The following TENM4 variants were observed in gnomAD, a reference collection of about 807,000 sequenced individuals.
TENM4 encodes teneurin transmembrane protein 4.
Under a neutral mutation model 243.3 loss-of-function variants are expected in TENM4, and 82 were observed. The observed-to-expected ratio is 0.34, with a 90% CI of 0.28 to 0.40. The LOEUF is 0.40. Among genes scored for constraint, TENM4 ranks in the 10% least tolerant of loss-of-function variants. TENM4 has a pLI of 1.00. For synonymous variants in TENM4, 1,412 were observed against 1,456.3 expected, an observed-to-expected ratio of 0.97 and a Z score of 0.69; for missense variants, 3,138 against 3,673.3, an observed-to-expected ratio of 0.85 and a Z score of 3.77.
At chr11:78,713,810 T>A (rs1043803673) in intron 25 of TENM4, among the ~76,000 whole-genome samples, 6 of 152,152 alleles carry the variant, frequency 3.9e-5, no homozygotes, top group African/African-American at 1.4e-4. Context: ...TAAGACTGAA[T>A]TTTTTTACCC....
At chr11:78,794,020 C>T (rs1252774713) in intron 15 of TENM4, among the ~76,000 whole-genome samples, 1 of 152,170 alleles carries the variant, frequency 6.6e-6, no homozygotes, top group African/African-American at 2.4e-5. Flanking sequence ...AGCACTTTTC[C>T]TTTTGTTTGT....
chr11:79,363,146 AAAATCT>A lies in TENM4; in HGVS notation c.-320-65609_-320-65604del, dbSNP rs1373289083. ...ATTAAAATAATAAAACTTTACATTA[AAAATCT>A]AGATTTCCAGTTTCTCTTGGAACAA... is the stretch of plus-strand genomic sequence containing the variant. On this transcript the variant is annotated intron_variant, in intron 1 of 33. Coordinates refer to ENST00000278550, the MANE Select transcript of TENM4 (RefSeq NM_001098816.3). 1.2e-4 allele frequency among the ~76,000 whole-genome samples: 19 copies of A among 152,348 alleles called. No homozygotes were observed. The East Asian group carries it at 3.7e-3, about 29-fold the overall frequency.
chr11:79,014,550 T>C (rs1386176534), intron 6 of TENM4: 2 of 152,248 alleles, frequency 1.3e-5, no homozygotes, highest in Non-Finnish European at 2.9e-5. Context: ...GTTGCACTCC[T>C]GGGTCCAGAG....
chr11:78,761,172 G>T (rs1043157745), intron 18 of TENM4, among the ~76,000 whole-genome samples: 3 of 151,668 alleles, frequency 2.0e-5, no homozygotes, highest in Non-Finnish European at 2.9e-5. Context: ...GTTAATTCTC[G>T]GAAGGCTTGC....
chr11:79,071,500 G>A (rs1000231002), intron 4 of TENM4, among the ~76,000 whole-genome samples: 1 of 152,082 alleles, frequency 6.6e-6, no homozygotes, highest in African/African-American at 2.4e-5. Flanking sequence ...GGTGTCTTGT[G>A]AATTTTTAAG....
rs575958216 is a variant in TENM4 at position 79,053,865 on chromosome 11, G to C, written c.493+10873C>G. Among the ~76,000 whole-genome samples the C allele has an allele frequency of 5.3e-5, 8 of 152,282 alleles. No homozygotes were observed. In the South Asian group the frequency reaches 1.7e-3, roughly 32 times the overall value. On this transcript the variant is annotated intron_variant, in intron 6 of 33. Coordinates refer to ENST00000278550, the MANE Select transcript of TENM4 (RefSeq NM_001098816.3). The stretch of plus-strand genomic sequence containing the variant: ...CCTTCCAGACTGAAGTCAAAGGAAA[G>C]CAACCAATTACTATACAGTGCTCTG...
intron 4 of TENM4, among the ~76,000 whole-genome samples, chr11:79,148,425 G>A (rs1862433664): frequency 6.6e-6 from 1 of 152,030 alleles, no homozygotes; most frequent in Non-Finnish European, 1.5e-5. Context: ...TAGAGATGCT[G>A]TTGTGGGTTT....
In TENM4 at chr11:78,961,335, C is replaced by G. The variant is rs563690222; in HGVS notation, c.494-57812G>C. Among the ~76,000 whole-genome samples, 211 of 152,264 alleles carry G rather than the reference C, an allele frequency of 1.4e-3. 2 individuals carry two copies. The highest frequency in any genetic ancestry group is 4.6e-3 in the African/African-American group (190 of 41,546). ...CACCTCTTAGAGGTTTGAATTCCTT[C>G]CTGGGTTTCCTTGCAAAGAAGCTGA... On this transcript the variant is annotated intron_variant, in intron 6 of 33. Transcript: ENST00000278550.
intron 1 of TENM4, among the ~76,000 whole-genome samples, chr11:79,439,699 C>T (rs1377004064): frequency 6.9e-6 from 1 of 145,580 alleles, no homozygotes; most frequent in Non-Finnish European, 1.5e-5. Context: ...ACACGCCGCC[C>T]CACTACCTTC....
intron 2 of TENM4, among the ~76,000 whole-genome samples, chr11:79,243,156 C>T (rs1006925854): frequency 3.9e-5 from 6 of 152,088 alleles, no homozygotes; most frequent in African/African-American, 1.4e-4. Flanking sequence ...TTGTGTGCTC[C>T]TTGTCCCCAT....
At chr11:79,082,452 A>C (rs1860699759) in intron 4 of TENM4, among the ~76,000 whole-genome samples, 1 of 152,200 alleles carries the variant, frequency 6.6e-6, no homozygotes, top group Non-Finnish European at 1.5e-5. Flanking sequence ...AAAAGCCAGA[A>C]GCTGTCAGCT....
intron 1 of TENM4, among the ~76,000 whole-genome samples, chr11:79,415,718 C>T (rs1237128300): frequency 6.6e-6 from 1 of 152,178 alleles, no homozygotes; most frequent in Admixed American, 6.5e-5. Flanking sequence ...TGAACATTAA[C>T]TTAAACATAC....
chr11:79,400,685 T>G (rs1858442064), intron 1 of TENM4, among the ~76,000 whole-genome samples: 1 of 152,224 alleles, frequency 6.6e-6, no homozygotes, highest in African/African-American at 2.4e-5. Flanking sequence ...GTCACAGAGC[T>G]GCTGTGAGGG....
intron 2 of TENM4, among the ~76,000 whole-genome samples, chr11:79,269,973 T>C (rs960728791): frequency 6.6e-6 from 1 of 152,094 alleles, no homozygotes; most frequent in Non-Finnish European, 1.5e-5. Flanking sequence ...TGACTTCCCC[T>C]CTTCCTCCCT....
intron 6 of TENM4, among the ~76,000 whole-genome samples, chr11:78,906,645 C>A (rs965433486): frequency 3.3e-5 from 5 of 152,218 alleles, no homozygotes; most frequent in African/African-American, 1.2e-4. Context: ...TCCTTTCTAT[C>A]TTTTGAGCTC....
chr11:78,814,971 C>T (rs191444885), intron 12 of TENM4, among the ~76,000 whole-genome samples: 1 of 152,202 alleles, frequency 6.6e-6, no homozygotes, highest in Non-Finnish European at 1.5e-5. Flanking sequence ...ATGTGTTCAC[C>T]ACCCATCAGC....
chr11:79,210,183 A>G (rs540733891), intron 3 of TENM4, among the ~76,000 whole-genome samples: 1 of 152,306 alleles, frequency 6.6e-6, no homozygotes, highest in African/African-American at 2.4e-5. Context: ...GCACTGTCCT[A>G]ACTCCTTTGA....
intron 6 of TENM4, among the ~76,000 whole-genome samples, chr11:78,932,724 G>T (rs1416050261): frequency 6.6e-6 from 1 of 152,108 alleles, no homozygotes; most frequent in Non-Finnish European, 1.5e-5. Flanking sequence ...TGGGGGTTTG[G>T]GATGAAACTG....
At chr11:79,152,602 G>A (rs530039104) in intron 3 of TENM4, among the ~76,000 whole-genome samples, 6 of 152,304 alleles carry the variant, frequency 3.9e-5, no homozygotes, top group South Asian at 2.1e-4. Flanking sequence ...TTAAAAGCTC[G>A]AATGAACACA....
Sources: gnomAD v4.1 joint callset for allele counts (sites outside exome capture counted in the v4.1 genomes callset) on GRCh38, gnomAD v4.1.1 for gene constraint, MANE v1.5 for transcripts, NCBI Gene and HGNC (gene_info 2026-07-23, HGNC 2026-07-21) for gene names.